TTC4: variants seen among roughly 807,000 people sequenced by gnomAD.
TTC4 encodes the protein tetratricopeptide repeat domain 4.
A neutral mutation model predicts 51.9 loss-of-function variants in TTC4; 36 were observed. The ratio of observed to expected loss-of-function variants is 0.69; its 90% CI spans 0.53 to 0.92. The LOEUF is 0.92. Ranked by LOEUF, TTC4 falls within the 40% of genes least tolerant of loss-of-function variation. The pLI is 0.00. For synonymous variants in TTC4, 144 were observed against 164.2 expected (o/e 0.88, Z 0.94); for missense variants, 399 against 454.6 (o/e 0.88, Z 1.11).
chr1:54,728,238 A>G (rs1012078024), intron 5 of TTC4, 108 bp from the exon 6 acceptor site: 33 of 950,524 alleles, frequency 3.5e-5, no homozygotes, highest in Non-Finnish European at 5.0e-5. Flanking sequence ...TCCTTAACAC[A>G]GGAGCTTGGG....
At position 54,741,882 on chromosome 1, in the gene TTC4, G is replaced by T; in HGVS notation, c.*369G>T. ...CTTTTGTGGAGTTTGACACCTTAGA[G>T]AAGCTACCCCTCAAACTGCACATCT... On this transcript the variant is annotated 3_prime_UTR_variant, in exon 10 of 10. Coordinates refer to ENST00000371281, the MANE Select transcript of TTC4 (RefSeq NM_004623.5). 4.0e-5 allele frequency: 9 copies of T among 223,566 alleles called. No homozygotes were observed. The highest frequency in any genetic ancestry group is 2.8e-4 in the South Asian group (3 of 10,756). The allele number at this position is 223,566 out of a possible 1,614,324, so 13.8% of individuals were successfully genotyped here.
At chr1:54,729,403 A>G (rs565006579) in intron 6 of TTC4, among the ~76,000 whole-genome samples, 2 of 152,342 alleles carry the variant, frequency 1.3e-5, no homozygotes, top group East Asian at 3.9e-4. Context: ...GCCTTCTGAA[A>G]TAGGTTGTCT....
intron 8 of TTC4, among the ~76,000 whole-genome samples, chr1:54,736,185 A>T: frequency 2.9e-5 from 1 of 34,058 alleles, no homozygotes; most frequent in African/African-American, 1.3e-4. Flanking sequence ...GGAGAGAGAG[A>T]GAGAGAGAGA....
chr1:54,737,505 A>C lies in TTC4; in HGVS notation c.979-77A>C, dbSNP rs1645960626. The C allele has an allele frequency of 7.7e-5, 107 of 1,389,182 alleles. 2 individuals carry two copies. The South Asian group carries it at 1.3e-3, about 17-fold the overall frequency. 86.1% of individuals were successfully genotyped at this position (1,389,182 alleles called of 1,614,324 possible). Reference sequence around the variant, plus strand: ...ACTACTAACCGTTGCCATCTTTTTAATTTTCCCTGGGCTTAGCCTCAACTA... The same window carrying C: ...ACTACTAACCGTTGCCATCTTTTTACTTTTCCCTGGGCTTAGCCTCAACTA... On this transcript the variant is annotated intron_variant, in intron 8 of 9. Coordinates refer to ENST00000371281, the MANE Select transcript of TTC4 (RefSeq NM_004623.5).
At chr1:54,739,037 A>AATT (rs1553182056) in intron 9 of TTC4, among the ~76,000 whole-genome samples, 1 of 144,472 alleles carries the variant, frequency 6.9e-6, no homozygotes, top group African/African-American at 2.5e-5. Context: ...CTTATTTTGA[A>AATT]TTTTTTTTTT....
At chr1:54,741,302 T>C (rs948334498) in intron 9 of TTC4, 109 bp from the exon 10 acceptor site, 13 of 930,028 alleles carry the variant, frequency 1.4e-5, no homozygotes, top group Non-Finnish European at 2.3e-5. Flanking sequence ...ACTTGCATTT[T>C]CATGTTGACT....
chr1:54,736,240 AAGAGAGG>A lies in TTC4; in HGVS notation c.979-1328_979-1322del, dbSNP rs1261140050. Among the ~76,000 whole-genome samples, 6 of 117,022 alleles carry A rather than the reference AAGAGAGG, an allele frequency of 5.1e-5. 2 individuals are homozygous for A. The highest frequency in any genetic ancestry group is 6.4e-4 in the South Asian group (2 of 3,116). 76.8% of individuals were successfully genotyped at this position (117,022 alleles called of 152,430 possible). A position where few individuals can be genotyped will look rare whatever the true frequency, so the allele number is the denominator to read the frequency against. ...AGAGAGAGAAGAGGAGAGGAGAGAGAAGAGAGGAGAGAGGAGAGAGAGAGAGAGAGAC... is the reference window on the plus strand; with the variant it reads ...AGAGAGAGAAGAGGAGAGGAGAGAGAAGAGAGGAGAGAGAGAGAGAGAGAC... On this transcript the variant is annotated intron_variant, in intron 8 of 9. Transcript: ENST00000371281.
chr1:54,722,700 A>G lies in TTC4; in HGVS notation c.495A>G (p.Lys165=), dbSNP rs200488106. 6.2e-7 allele frequency: 1 copy of G among 1,613,796 alleles called. No individual in the cohort carries two copies. Among genetic ancestry groups the G allele is most frequent in the Non-Finnish European group, 8.5e-7 (1 of 1,179,794 alleles). The stretch of plus-strand genomic sequence containing the variant: ...GTGCCTTATGCCATCTGGAACTGAA[A>G]CACTTTGCCGAGGCCGTGAACTGGT... The part of the protein sequence containing the change: ...IRGALCHLEL[K]HFAEAVNWCD... Residue 165 remains lysine, a synonymous_variant, in exon 5 of 10, where the codon AAA becomes AAG. Coordinates refer to ENST00000371281, the MANE Select transcript of TTC4 (RefSeq NM_004623.5).
intron 1 of TTC4, among the ~76,000 whole-genome samples, chr1:54,716,295 C>T (rs1645674983): frequency 6.6e-6 from 1 of 152,228 alleles, no homozygotes; most frequent in African/African-American, 2.4e-5. Flanking sequence ...ATCTGTAAAA[C>T]TGCGCGAACT....
At chr1:54,720,194 C>G (rs1645726773) in intron 3 of TTC4, among the ~76,000 whole-genome samples, 1 of 152,028 alleles carries the variant, frequency 6.6e-6, no homozygotes, top group Non-Finnish European at 1.5e-5. Flanking sequence ...GAGCCACCTC[C>G]CCAGAGGTTT....
chr1:54,733,189 GGAGGATAATTTGAGCCCA>G (rs1397174780), intron 7 of TTC4, among the ~76,000 whole-genome samples: 1 of 151,912 alleles, frequency 6.6e-6, no homozygotes, highest in Non-Finnish European at 1.5e-5. Context: ...GGCTGAGGCA[GGAGGATAATTTGAGCCCA>G]GGAGTTTGAG....
chr1:54,730,424 C>G lies in TTC4; in HGVS notation c.682-1062C>G, dbSNP rs1267232143. On this transcript the variant is annotated intron_variant, in intron 6 of 9. Transcript: ENST00000371281. ...AAAGGGAGGAGTCAGCAAACTGCAG[C>G]CGTTGGAACACAGCCCTGCCTATTT... Among the ~76,000 whole-genome samples the G allele has an allele frequency of 3.3e-5, 5 of 152,204 alleles. No individual in the cohort carries two copies. The South Asian group carries it at 6.2e-4, about 19-fold the overall frequency.
chr1:54,717,362 G>A (rs917177606), intron 2 of TTC4, 130 bp from the exon 3 acceptor site: 4 of 742,984 alleles, frequency 5.4e-6, no homozygotes, highest in Admixed American at 4.2e-5. Context: ...TCATAACATC[G>A]AGTTTCCTTT....
At chr1:54,728,477 T>A in intron 6 of TTC4, 45 bp downstream of exon 6, 2 of 1,554,944 alleles carry the variant, frequency 1.3e-6, no homozygotes, top group Non-Finnish European at 1.8e-6. Context: ...CTAAATCCAC[T>A]AATCCTGTGA....
chr1:54,720,614 G>A (rs563285731), intron 3 of TTC4, among the ~76,000 whole-genome samples: 1 of 151,534 alleles, frequency 6.6e-6, no homozygotes, highest in South Asian at 2.1e-4. Flanking sequence ...TTTAATGGCT[G>A]CATAGTATTC....
In TTC4 at chr1:54,737,621, G is replaced by C. The variant is rs890259078; in HGVS notation, c.1018G>C (p.Val340Leu). The change falls in exon 9 of 10, where the codon GTG (valine) becomes CTG (leucine). Residue 340 changes from valine to leucine, a missense_variant. Val to Leu is a conservative substitution (Grantham distance 32). This residue lies in a region of TTC4 where 64 missense variants were observed against 61.3 expected (regional missense o/e 1.04). Coordinates refer to ENST00000371281, the MANE Select transcript of TTC4 (RefSeq NM_004623.5). Reference protein sequence around the residue: ...EDEDRAELYRVPAKSTLLQVL... With the variant: ...EDEDRAELYRLPAKSTLLQVL... ...TGAGGACAGGGCAGAACTATACCGG[G>C]TGCCTGCCAAGAGCACCTTGCTACA... is the stretch of plus-strand genomic sequence containing the variant. The C allele has an allele frequency of 1.2e-6, 2 of 1,613,354 alleles. No homozygotes were observed. The highest frequency in any genetic ancestry group is 1.7e-6 in the Non-Finnish European group (2 of 1,180,040).
At chr1:54,733,800 T>C (rs2101351880) in intron 8 of TTC4, 90 bp downstream of exon 8, 1 of 866,218 alleles carries the variant, frequency 1.2e-6, no homozygotes, top group Non-Finnish European at 1.7e-6. Flanking sequence ...TCTGCTTTAT[T>C]TTTTTGAAAA....
intron 8 of TTC4, among the ~76,000 whole-genome samples, chr1:54,734,440 G>A (rs1645909961): frequency 6.6e-6 from 1 of 152,052 alleles, no homozygotes; most frequent in African/African-American, 2.4e-5. Context: ...CTAGGCTGGA[G>A]TGCTGTGGTG....
Position 54,722,816 on chromosome 1 carries a change from A to T in TTC4, c.594+17A>T. On this transcript the variant is annotated intron_variant, in intron 5 of 9. Coordinates refer to ENST00000371281, the MANE Select transcript of TTC4 (RefSeq NM_004623.5). Reference sequence around the variant, plus strand: ...AAGCTGAAGGTTGGTGACTGTCAGCAACCAATTAGCATTTGCTAATTAGCA... The same window carrying T: ...AAGCTGAAGGTTGGTGACTGTCAGCTACCAATTAGCATTTGCTAATTAGCA... 2 of 1,612,100 alleles carry T rather than the reference A, an allele frequency of 1.2e-6. No individual in the cohort carries two copies. The highest frequency in any genetic ancestry group is 1.7e-6 in the Non-Finnish European group (2 of 1,179,366).
Sources: allele counts gnomAD v4.1 joint callset (sites outside exome capture counted in the v4.1 genomes callset), GRCh38; gene constraint gnomAD v4.1.1; regional missense constraint gnomAD v4.1.1; transcripts MANE v1.5; gene names NCBI Gene and HGNC (gene_info 2026-07-23, HGNC 2026-07-21).